DCLK1: variants seen among roughly 807,000 people sequenced by gnomAD.
DCLK1 encodes serine/threonine-protein kinase DCLK1.
In DCLK1, 16 loss-of-function variants were observed where a neutral mutation model predicts 86.2. The observed-to-expected ratio is 0.19, with a 90% CI of 0.13 to 0.28. The LOEUF (loss-of-function observed/expected upper bound fraction) is 0.28. Among genes scored for constraint, DCLK1 ranks in the 10% least tolerant of loss-of-function variants. DCLK1 has a pLI of 1.00. For missense variants in DCLK1, 590 were observed against 940.2 expected (o/e 0.63, Z 4.87); for synonymous variants, 369 against 370.5 (o/e 1.00, Z 0.05).
chr13:36,127,695 T>C (rs1886237498), intron 1 of DCLK1, among the ~76,000 whole-genome samples: 1 of 152,210 alleles, frequency 6.6e-6, no homozygotes, highest in South Asian at 2.1e-4. Context: ...GAATCTTTCC[T>C]TTCTGGCAAG....
intron 3 of DCLK1, among the ~76,000 whole-genome samples, chr13:36,029,102 CTT>C (rs1250219700): frequency 6.6e-6 from 1 of 152,220 alleles, no homozygotes; most frequent in Non-Finnish European, 1.5e-5. Context: ...CTTGCTTTCT[CTT>C]TATGGATTCA....
At chr13:35,892,553 C>A (rs749959417) in intron 4 of DCLK1, among the ~76,000 whole-genome samples, 2 of 152,058 alleles carry the variant, frequency 1.3e-5, no homozygotes, top group Admixed American at 6.6e-5. Flanking sequence ...TAGGAAAATG[C>A]GAATTAGATG....
intron 6 of DCLK1, chr13:35,846,662 G>A: frequency 1.0e-6 from 1 of 985,284 alleles, no homozygotes. Flanking sequence ...TGAATTCAGT[G>A]TATCTCTATT....
At chr13:36,049,003 C>T (rs1440273480) in intron 3 of DCLK1, among the ~76,000 whole-genome samples, 2 of 152,104 alleles carry the variant, frequency 1.3e-5, no homozygotes, top group Non-Finnish European at 2.9e-5. Context: ...TGATGATTTA[C>T]CTTATCTCCT....
At chr13:35,856,905 A>G (rs1312380958) in intron 5 of DCLK1, among the ~76,000 whole-genome samples, 1 of 152,220 alleles carries the variant, frequency 6.6e-6, no homozygotes. Flanking sequence ...TGAGGCTTAC[A>G]GATGATGAGT....
chr13:35,780,021 T>A (rs1043508551), intron 16 of DCLK1, among the ~76,000 whole-genome samples: 8 of 151,998 alleles, frequency 5.3e-5, no homozygotes, highest in African/African-American at 1.9e-4. Context: ...AATTTGTTCC[T>A]CTGAAATCCT....
intron 5 of DCLK1, among the ~76,000 whole-genome samples, chr13:35,869,965 C>G (rs1872152773): frequency 6.6e-6 from 1 of 152,184 alleles, no homozygotes; most frequent in Admixed American, 6.5e-5. Flanking sequence ...TCCCAAGTGA[C>G]TCTCATGAGC....
intron 3 of DCLK1, among the ~76,000 whole-genome samples, chr13:36,073,414 C>G (rs1884052210): frequency 6.6e-6 from 1 of 151,968 alleles, no homozygotes; most frequent in Non-Finnish European, 1.5e-5. Context: ...ATTATTTGCC[C>G]AATTCTAGAG....
chr13:36,118,913 G>C (rs1456037993), intron 2 of DCLK1, among the ~76,000 whole-genome samples: 3 of 152,104 alleles, frequency 2.0e-5, no homozygotes, highest in African/African-American at 7.2e-5. Flanking sequence ...AGGGTTGAAG[G>C]GGCAAGGCAA....
At chr13:35,882,709 C>T (rs1198387971) in intron 4 of DCLK1, among the ~76,000 whole-genome samples, 1 of 151,932 alleles carries the variant, frequency 6.6e-6, no homozygotes, top group Non-Finnish European at 1.5e-5. Flanking sequence ...CCCAATACTG[C>T]CACCTTGCCT....
In DCLK1 at chr13:36,082,940, T is replaced by C. The variant is rs57359959; in HGVS notation, c.723+28929A>G. On this transcript the variant is annotated intron_variant, in intron 3 of 16. Transcript: ENST00000360631. ...GCAATAGTTGCCTCAGAAACCCAGCTCCTGGTGAGTCAAAGTTATGGTTAC... is the reference window on the plus strand; with the variant it reads ...GCAATAGTTGCCTCAGAAACCCAGCCCCTGGTGAGTCAAAGTTATGGTTAC... Among the ~76,000 whole-genome samples the C allele has an allele frequency of 6.4e-3, 979 of 152,278 alleles. 17 individuals are homozygous for C. The highest frequency in any genetic ancestry group is 0.023 in the African/African-American group (944 of 41,558).
intron 3 of DCLK1, among the ~76,000 whole-genome samples, chr13:36,111,055 C>T (rs532541324): frequency 6.6e-6 from 1 of 151,858 alleles, no homozygotes; most frequent in South Asian, 2.1e-4. Flanking sequence ...AGGATGGTCT[C>T]GATCTCCTGA....
chr13:35,998,560 G>C (rs1261644059), intron 3 of DCLK1, among the ~76,000 whole-genome samples: 4 of 152,130 alleles, frequency 2.6e-5, no homozygotes, highest in South Asian at 2.1e-4. Flanking sequence ...CTGGGGTCCA[G>C]AGTGGTCTTC....
intron 3 of DCLK1, among the ~76,000 whole-genome samples, chr13:35,969,375 G>A (rs1352569564): frequency 6.6e-6 from 1 of 152,114 alleles, no homozygotes; most frequent in Admixed American, 6.6e-5. Flanking sequence ...ATAGAGAGGA[G>A]AAAGCCATGT....
chr13:35,897,974 T>C (rs933883306), intron 4 of DCLK1, among the ~76,000 whole-genome samples: 9 of 152,220 alleles, frequency 5.9e-5, no homozygotes, highest in Admixed American at 3.9e-4. Flanking sequence ...ACAGGATAAA[T>C]TATTAATATT....
At chr13:35,886,089 G>A (rs1566585973) in intron 4 of DCLK1, among the ~76,000 whole-genome samples, 1 of 145,166 alleles carries the variant, frequency 6.9e-6, no homozygotes. Context: ...TCGGCTCACT[G>A]CAACCTCTGC....
intron 14 of DCLK1, among the ~76,000 whole-genome samples, chr13:35,807,641 T>C (rs9545423): frequency 0.11 from 16,687 of 152,260 alleles, 1,060 homozygotes; most frequent in East Asian, 0.18. Context: ...GAATTTGCAT[T>C]CTAGTGGAGA....
chr13:36,108,611 A>G (rs1034114419), intron 3 of DCLK1, among the ~76,000 whole-genome samples: 6 of 152,210 alleles, frequency 3.9e-5, no homozygotes, highest in African/African-American at 1.4e-4. Flanking sequence ...TTTTCATGCC[A>G]TGGATACATC....
chr13:36,036,369 CG>C (rs1882493805), intron 3 of DCLK1, among the ~76,000 whole-genome samples: 1 of 152,206 alleles, frequency 6.6e-6, no homozygotes, highest in South Asian at 2.1e-4. Flanking sequence ...CCAACACCAC[CG>C]GCTCGACCTC....
Sources: gnomAD v4.1 joint callset for allele counts (sites outside exome capture counted in the v4.1 genomes callset) on GRCh38, gnomAD v4.1.1 for gene constraint, MANE v1.5 for transcripts, NCBI Gene and HGNC (gene_info 2026-07-23, HGNC 2026-07-21) for gene names.